DISC1: variants seen among roughly 807,000 people sequenced by gnomAD.
The protein encoded by DISC1 is DISC1 scaffold protein.
A neutral mutation model predicts 84.5 loss-of-function variants in DISC1; 57 were observed. The ratio of observed to expected loss-of-function variants is 0.67; its 90% CI spans 0.55 to 0.84. The LOEUF (loss-of-function observed/expected upper bound fraction) is 0.84. DISC1 is among the 40% of genes least tolerant of loss of function. The probability of loss-of-function intolerance (pLI) is 0.00; values close to 1 mark genes in which losing one functional copy is unlikely to be tolerated. For missense variants in DISC1, 1,000 were observed against 1,057.8 expected (o/e 0.95, Z 0.76); for synonymous variants, 411 against 415.2 (o/e 0.99, Z 0.12).
intron 9 of DISC1, among the ~76,000 whole-genome samples, chr1:231,926,685 A>C (rs1393298900): frequency 6.6e-6 from 1 of 152,194 alleles, no homozygotes; most frequent in Non-Finnish European, 1.5e-5. Flanking sequence ...ATGAGGCAGT[A>C]ATAGCACTTT....
chr1:231,859,088 T>C (rs1347238974), intron 9 of DISC1, among the ~76,000 whole-genome samples: 1 of 152,222 alleles, frequency 6.6e-6, no homozygotes, highest in Non-Finnish European at 1.5e-5. Flanking sequence ...GAAACCAGCA[T>C]ACTTCTGGTT....
intron 6 of DISC1, among the ~76,000 whole-genome samples, chr1:231,787,589 C>T (rs1404746296): frequency 6.6e-6 from 1 of 152,188 alleles, no homozygotes; most frequent in Non-Finnish European, 1.5e-5. Flanking sequence ...AAGGTCCCGC[C>T]TCTCGACACG....
intron 9 of DISC1, among the ~76,000 whole-genome samples, chr1:231,923,658 C>T (rs746146943): frequency 1.6e-4 from 24 of 152,232 alleles, no homozygotes; most frequent in Non-Finnish European, 3.2e-4. Flanking sequence ...GGCACGCTGA[C>T]GCTGTTTCCT....
In DISC1 at chr1:232,001,575, T is replaced by C. The variant is rs181369267; in HGVS notation, c.2043-7210T>C. On this transcript the variant is annotated intron_variant, in intron 10 of 12. Coordinates refer to ENST00000439617, the MANE Select transcript of DISC1 (RefSeq NM_018662.3). ...ATAAATTGAGATGAAACCCTAAAAA[T>C]AGGTCCATAAAAATATGCTCAAATG... is the stretch of plus-strand genomic sequence containing the variant. 4.6e-5 allele frequency among the ~76,000 whole-genome samples: 7 copies of C among 152,274 alleles called. No homozygotes were observed. In the East Asian group the frequency reaches 1.4e-3, roughly 29 times the overall value.
intron 3 of DISC1, among the ~76,000 whole-genome samples, chr1:231,731,925 T>G (rs1390572142): frequency 1.3e-5 from 2 of 152,220 alleles, no homozygotes; most frequent in Non-Finnish European, 2.9e-5. Context: ...AGTTTCACTG[T>G]CTCTTTCACT....
chr1:231,991,797 C>T (rs948486341), intron 10 of DISC1, among the ~76,000 whole-genome samples: 1 of 152,098 alleles, frequency 6.6e-6, no homozygotes, highest in Non-Finnish European at 1.5e-5. Flanking sequence ...GTCCTCCAAC[C>T]CTGAGGAAGC....
intron 9 of DISC1, among the ~76,000 whole-genome samples, chr1:231,836,821 G>A (rs1208250607): frequency 1.4e-5 from 2 of 146,134 alleles, no homozygotes; most frequent in African/African-American, 2.5e-5. Context: ...GCCCCGCCCC[G>A]CCCCTCCCCG....
chr1:231,701,929 A>AT lies in DISC1; in HGVS notation c.1048-20dup, dbSNP rs751878687. ...TGCTTGAATTCTATTGTAATTTTTTATTTTTTCCCCTTTAAACCAACATAG... is the reference window on the plus strand; with the variant it reads ...TGCTTGAATTCTATTGTAATTTTTTATTTTTTTCCCCTTTAAACCAACATAG... On this transcript the variant is annotated intron_variant, in intron 2 of 12. Coordinates refer to ENST00000439617, the MANE Select transcript of DISC1 (RefSeq NM_018662.3). 22 of 1,562,656 alleles carry AT rather than the reference A, an allele frequency of 1.4e-5. No individual in the cohort carries two copies. The African/African-American group carries it at 3.0e-4, about 21-fold the overall frequency.
chr1:231,924,211 C>G (rs1336058060), intron 9 of DISC1, among the ~76,000 whole-genome samples: 2 of 152,192 alleles, frequency 1.3e-5, no homozygotes, highest in African/African-American at 2.4e-5. Flanking sequence ...AAGAAAGGCA[C>G]AGGGTAAAGC....
chr1:231,678,404 G>A (rs547651918), intron 1 of DISC1, among the ~76,000 whole-genome samples: 2 of 152,324 alleles, frequency 1.3e-5, no homozygotes, highest in East Asian at 1.9e-4. Flanking sequence ...TATGGTTGAA[G>A]TCAGCGGCCA....
intron 9 of DISC1, among the ~76,000 whole-genome samples, chr1:231,935,265 C>T (rs200982576): frequency 6.6e-6 from 1 of 152,052 alleles, no homozygotes; most frequent in Non-Finnish European, 1.5e-5. Flanking sequence ...TTTTTCAGCA[C>T]GGATTTTTTC....
At chr1:231,793,665 A>G (rs11122337) in intron 6 of DISC1, among the ~76,000 whole-genome samples, 65,984 of 152,076 alleles carry the variant, frequency 0.43, 15,698 homozygotes, top group Non-Finnish European at 0.52. Context: ...GTGCAGCCCA[A>G]TTATTTTTCT....
intron 1 of DISC1, among the ~76,000 whole-genome samples, chr1:231,660,467 A>AT (rs1370882137): frequency 2.6e-5 from 4 of 151,938 alleles, no homozygotes; most frequent in African/African-American, 9.6e-5. Context: ...AGCCCAAAAA[A>AT]AAAATATATA....
intron 9 of DISC1, among the ~76,000 whole-genome samples, chr1:231,940,399 G>C (rs1203348167): frequency 1.3e-5 from 2 of 151,500 alleles, no homozygotes; most frequent in East Asian, 3.8e-4. Context: ...GGGGACACTT[G>C]TTCTGCCAGT....
At chr1:231,768,658 A>G (rs2076333652) in intron 5 of DISC1, among the ~76,000 whole-genome samples, 1 of 152,228 alleles carries the variant, frequency 6.6e-6, no homozygotes, top group Admixed American at 6.5e-5. Flanking sequence ...TTAAGGGTTC[A>G]CTAAGTGCCA....
At chr1:231,893,849 G>A (rs1194024383) in intron 9 of DISC1, among the ~76,000 whole-genome samples, 1 of 152,170 alleles carries the variant, frequency 6.6e-6, no homozygotes, top group Non-Finnish European at 1.5e-5. Flanking sequence ...GAGGACTTAT[G>A]AACAATGAAT....
intron 4 of DISC1, chr1:231,750,756 T>C (rs2074523731): frequency 4.9e-6 from 1 of 204,866 alleles, no homozygotes; most frequent in Non-Finnish European, 8.6e-6. Context: ...TCTACCTTTG[T>C]GTTCCCTTTC....
At chr1:231,804,083 GAAACAGGTTT>G (rs2079518782) in intron 8 of DISC1, among the ~76,000 whole-genome samples, 1 of 151,814 alleles carries the variant, frequency 6.6e-6, no homozygotes. Context: ...CAAGGGGAAG[GAAACAGGTTT>G]TACCCCAAAG....
At chr1:231,986,331 A>G (rs1664433783) in intron 10 of DISC1, among the ~76,000 whole-genome samples, 1 of 152,174 alleles carries the variant, frequency 6.6e-6, no homozygotes. Context: ...ATGGATGCAT[A>G]AGGCAGTGTA....
Sources: allele counts gnomAD v4.1 joint callset (sites outside exome capture counted in the v4.1 genomes callset), GRCh38; gene constraint gnomAD v4.1.1; transcripts MANE v1.5; gene names NCBI Gene and HGNC (gene_info 2026-07-23, HGNC 2026-07-21).